The following MARK3 variants were observed in gnomAD, a reference collection of about 807,000 sequenced individuals.
MARK3 encodes MAP/microtubule affinity-regulating kinase 3.
Under a neutral mutation model 90.1 loss-of-function variants are expected in MARK3, and 46 were observed. The ratio of observed to expected loss-of-function variants is 0.51; its 90% CI spans 0.40 to 0.65. The LOEUF (loss-of-function observed/expected upper bound fraction) is 0.65. Ranked by LOEUF, MARK3 falls within the 30% of genes least tolerant of loss-of-function variation. The pLI is 0.00. For missense variants in MARK3, 818 were observed against 947.2 expected (o/e 0.86, Z 1.79); for synonymous variants, 321 against 332.6 (o/e 0.97, Z 0.38).
chr14:103,484,712 C>T (rs2093891408), intron 14 of MARK3, among the ~76,000 whole-genome samples: 1 of 152,194 alleles, frequency 6.6e-6, no homozygotes, highest in South Asian at 2.1e-4. Flanking sequence ...GCAGGTGGAT[C>T]ATGAGGTCAG....
chr14:103,427,497 CAA>C lies in MARK3; in HGVS notation c.244-875_244-874del, dbSNP rs71126021. Among the ~76,000 whole-genome samples, 179 of 110,810 alleles carry C rather than the reference CAA, an allele frequency of 1.6e-3. 2 individuals carry two copies. The highest frequency in any genetic ancestry group is 4.8e-3 in the African/African-American group (147 of 30,582). The allele number at this position is 110,810 out of a possible 152,430, so 72.7% of individuals were successfully genotyped here. On this transcript the variant is annotated intron_variant, in intron 2 of 17. Coordinates refer to ENST00000429436, the MANE Select transcript of MARK3 (RefSeq NM_001128918.3). ...CCTAGGCAACAGAGGGAGACTGTTT[CAA>C]AAAAAAAAAAAAAAGAAACAAAAGA...
chr14:103,458,437 T>G (rs2093323738), intron 6 of MARK3, among the ~76,000 whole-genome samples: 1 of 112,976 alleles, frequency 8.9e-6, no homozygotes, highest in African/African-American at 3.5e-5. Flanking sequence ...TCAGCCTGGG[T>G]GACAGAGACT....
At position 103,386,039 on chromosome 14, in the gene MARK3, A is replaced by G. The variant is rs1248724256; in HGVS notation, c.10A>G (p.Arg4Gly). ...ATTAAAGTGCAGTAAAATGTCCACTAGGACCCCATTGCCAACGGTGAATGA... is the reference window on the plus strand; with the variant it reads ...ATTAAAGTGCAGTAAAATGTCCACTGGGACCCCATTGCCAACGGTGAATGA... MST[R>G]TPLPTVNERD... is the part of the protein sequence containing the mutation. The change falls in exon 1 of 18, where the codon AGG (arginine) becomes GGG (glycine). Residue 4 changes from arginine (R) to glycine (G), a missense_variant. Arg to Gly is a moderately radical substitution (Grantham distance 125). This residue lies in a region of MARK3 where 157 missense variants were observed against 158.7 expected (regional missense o/e 0.99). Transcript: ENST00000429436. 21 of 1,614,050 alleles carry G rather than the reference A, an allele frequency of 1.3e-5. No individual in the cohort carries two copies. The highest frequency in any genetic ancestry group is 1.8e-5 in the Non-Finnish European group (21 of 1,179,852).
chr14:103,502,255 A>G (rs777285504), intron 17 of MARK3, among the ~76,000 whole-genome samples: 7 of 152,212 alleles, frequency 4.6e-5, no homozygotes, highest in Non-Finnish European at 1.0e-4. Flanking sequence ...GCATTTTTCC[A>G]TCTATTCCAG....
chr14:103,480,192 G>A (rs1347438224), intron 13 of MARK3, among the ~76,000 whole-genome samples, 195 bp from the exon 14 acceptor site: 1 of 152,142 alleles, frequency 6.6e-6, no homozygotes, highest in African/African-American at 2.4e-5. Context: ...AGGCTGTGGT[G>A]GGAGGATTGC....
At chr14:103,477,109 A>G (rs1205986879) in intron 13 of MARK3, among the ~76,000 whole-genome samples, 4 of 152,232 alleles carry the variant, frequency 2.6e-5, no homozygotes, top group Non-Finnish European at 5.9e-5. Flanking sequence ...ATTTTCTCCC[A>G]TGAGTCTTTG....
chr14:103,462,669 G>T (rs1301359169), intron 7 of MARK3, among the ~76,000 whole-genome samples: 1 of 152,152 alleles, frequency 6.6e-6, no homozygotes, highest in African/African-American at 2.4e-5. Flanking sequence ...TTCAGTTACG[G>T]TGACTGGTGG....
intron 15 of MARK3, among the ~76,000 whole-genome samples, chr14:103,495,823 T>G (rs938930373): frequency 1.2e-4 from 19 of 152,342 alleles, no homozygotes; most frequent in African/African-American, 4.6e-4. Context: ...ACAATCAAAA[T>G]CCTTGCTAGA....
chr14:103,473,884 A>G (rs1053648416), intron 12 of MARK3, among the ~76,000 whole-genome samples: 1 of 152,168 alleles, frequency 6.6e-6, no homozygotes, highest in Admixed American at 6.5e-5. Flanking sequence ...TATATCTAAA[A>G]TATAAATTCT....
intron 2 of MARK3, among the ~76,000 whole-genome samples, chr14:103,425,249 A>ATTTATTTATTTATTTAT (rs376880922): frequency 2.0e-5 from 3 of 146,630 alleles, no homozygotes; most frequent in African/African-American, 7.6e-5. Context: ...CTATTTATTT[A>ATTTATTTATTTATTTAT]TTATTTATTT....
At position 103,468,111 on chromosome 14, in the gene MARK3, A is replaced by G; in HGVS notation, c.1189A>G (p.Thr397Ala). 1 of 1,613,058 alleles carries G rather than the reference A, an allele frequency of 6.2e-7. No individual in the cohort carries two copies. The highest frequency in any genetic ancestry group is 1.1e-5 in the South Asian group (1 of 91,064). The change falls in exon 12 of 18, where the codon ACT (threonine) becomes GCT (alanine). Residue 397 changes from threonine to alanine, a missense_variant. Thr to Ala is a moderately conservative substitution (Grantham distance 58). Around this residue, in one of 3 missense-constraint regions of MARK3, gnomAD observed 560 missense variants for 613.5 expected, o/e 0.91. Transcript: ENST00000429436. ...GCCGAGCAGTGATCTCAACAACAGT[A>G]CTGGCCAGTCTCCTCACCACAAAGT... ...VRPSSDLNNS[T>A]GQSPHHKVQR...
At chr14:103,426,882 T>C (rs937586042) in intron 2 of MARK3, among the ~76,000 whole-genome samples, 1 of 99,714 alleles carries the variant, frequency 1.0e-5, no homozygotes, top group Admixed American at 1.3e-4. Context: ...CCCAAAGGGC[T>C]TTTCTATTTA....
intron 15 of MARK3, 131 bp from the exon 16 acceptor site, chr14:103,498,371 T>G (rs2075460006): frequency 3.6e-6 from 2 of 555,738 alleles, no homozygotes; most frequent in Non-Finnish European, 5.7e-6. Context: ...TCAGCATTTC[T>G]TTGTTCATTG....
intron 1 of MARK3, among the ~76,000 whole-genome samples, chr14:103,397,756 G>A (rs1381328514): frequency 6.6e-6 from 1 of 152,132 alleles, no homozygotes. Flanking sequence ...TTATTCAAAA[G>A]TGAAACAGAT....
At chr14:103,454,000 C>CAT (rs1362405074) in intron 5 of MARK3, among the ~76,000 whole-genome samples, 1 of 152,158 alleles carries the variant, frequency 6.6e-6, no homozygotes, top group Non-Finnish European at 1.5e-5. Flanking sequence ...AGAGATTACT[C>CAT]ATATAGGGGC....
Position 103,474,999 on chromosome 14 carries a change from C to CAGCT in MARK3, c.1273_1276dup (p.Ile426SerfsTer19). The CAGCT allele has an allele frequency of 6.2e-7, 1 of 1,609,992 alleles. No homozygotes were observed. The highest frequency in any genetic ancestry group is 8.5e-7 in the Non-Finnish European group (1 of 1,176,540). ...AATGAACTCTTTATTTTAGCTGGAC[C>CAGCT]AGCTATTCCTTCTGTTGTGGCGTAT... is the stretch of plus-strand genomic sequence containing the variant. On this transcript the variant is annotated frameshift_variant, in exon 13 of 18. Transcript: ENST00000429436. LOFTEE classifies it high-confidence loss of function.
At chr14:103,451,106 AT>A (rs969672703) in intron 4 of MARK3, among the ~76,000 whole-genome samples, 3 of 151,174 alleles carry the variant, frequency 2.0e-5, no homozygotes, top group African/African-American at 7.3e-5. Context: ...AATTTTTGGC[AT>A]TTTTTTGTAG....
At position 103,503,533 on chromosome 14, in the gene MARK3, G is replaced by GTA; in HGVS notation, c.*310_*311dup. The GTA allele has an allele frequency of 3.0e-6, 1 of 334,050 alleles. No homozygotes were observed. The highest frequency in any genetic ancestry group is 5.6e-6 in the Non-Finnish European group (1 of 180,134). 20.7% of individuals were successfully genotyped at this position (334,050 alleles called of 1,614,324 possible). On this transcript the variant is annotated 3_prime_UTR_variant, in exon 18 of 18. Transcript: ENST00000429436. ...GTGGACGGTATGTGTGTGAAGTGGTGTATATGGAAGCATCTCCCTACACTG... is the reference window on the plus strand; with the variant it reads ...GTGGACGGTATGTGTGTGAAGTGGTGTATATATGGAAGCATCTCCCTACACTG...
At chr14:103,397,323 A>C (rs1272027494) in intron 1 of MARK3, among the ~76,000 whole-genome samples, 1 of 145,016 alleles carries the variant, frequency 6.9e-6, no homozygotes, top group Non-Finnish European at 1.5e-5. Context: ...TTACTGAATA[A>C]ACATTTTTTT....
Sources: gnomAD v4.1 joint callset for allele counts (sites outside exome capture counted in the v4.1 genomes callset) on GRCh38, gnomAD v4.1.1 for gene constraint, gnomAD v4.1.1 regional missense constraint, MANE v1.5 for transcripts, NCBI Gene and HGNC (gene_info 2026-07-23, HGNC 2026-07-21) for gene names.